Variants in ZNF416 observed in about 807,000 individuals in gnomAD.
The protein encoded by ZNF416 is zinc finger protein 416.
Under a neutral mutation model 10.9 loss-of-function variants are expected in ZNF416, and 5 were observed. That is an observed-to-expected ratio of 0.46 (90% CI 0.24 to 0.97). The LOEUF (loss-of-function observed/expected upper bound fraction) is 0.97, where lower values mean the gene tolerates loss of function less well. Ranked by LOEUF, ZNF416 falls within the 50% of genes least tolerant of loss-of-function variation. The pLI, the probability that ZNF416 is intolerant of heterozygous loss-of-function variation, is 0.19. For missense variants in ZNF416, 675 were observed against 715.0 expected (o/e 0.94, Z 0.64); for synonymous variants, 267 against 251.8 (o/e 1.06, Z -0.57).
intron 2 of ZNF416, among the ~76,000 whole-genome samples, chr19:57,577,668 C>G (rs1200797879): frequency 6.6e-6 from 1 of 152,166 alleles, no homozygotes; most frequent in Non-Finnish European, 1.5e-5. Flanking sequence ...TCCTCTGCCC[C>G]CAAACTGTCA....
In ZNF416 at chr19:57,573,294, A is replaced by G; in HGVS notation, c.610T>C (p.Cys204Arg). ...ATTCCAACATGAAAGGCCTCCTCAC[A>G]TTTGCTGATTTTGTTTGGCTTCTCA... ...NYEKPNKISK[C>R]EEAFHVGISH... The change falls in exon 4 of 4, where the codon TGT (cysteine) becomes CGT (arginine). Residue 204 changes from cysteine (C) to arginine (R), a missense_variant. Physicochemically the swap from Cys to Arg is radical, Grantham distance 180 (BLOSUM62 -3). Transcript: ENST00000196489. The G allele has an allele frequency of 6.2e-7, 1 of 1,614,186 alleles. No homozygotes were observed. The highest frequency in any genetic ancestry group is 8.5e-7 in the Non-Finnish European group (1 of 1,180,034).
chr19:57,576,421 G>A (rs535072442), intron 2 of ZNF416, among the ~76,000 whole-genome samples: 4 of 152,134 alleles, frequency 2.6e-5, no homozygotes, highest in South Asian at 2.1e-4. Context: ...GCATCCCCAC[G>A]ATAGTTGGAA....
intron 1 of ZNF416, 86 bp downstream of exon 1, chr19:57,578,586 G>T: frequency 7.2e-7 from 1 of 1,393,946 alleles, no homozygotes; most frequent in Non-Finnish European, 9.5e-7. Context: ...GGGTCGGGCT[G>T]CAGGGACGCA....
rs2090194822 is a variant in ZNF416 at position 57,571,871 on chromosome 19, T to C, written c.*248A>G. On this transcript the variant is annotated 3_prime_UTR_variant, in exon 4 of 4. Coordinates refer to ENST00000196489, the MANE Select transcript of ZNF416 (RefSeq NM_017879.3). ...CAGGTGTATCTGCCTCGCCTTAGTA[T>C]GCAAGGGTGACTAATGATTTAACTC... 1.0e-5 allele frequency: 5 copies of C among 495,594 alleles called. No homozygotes were observed. Among genetic ancestry groups the C allele is most frequent in the Non-Finnish European group, 1.8e-5 (5 of 277,690 alleles). 30.7% of individuals were successfully genotyped at this position (495,594 alleles called of 1,614,324 possible). A position where few individuals can be genotyped will look rare whatever the true frequency, so the allele number is the denominator to read the frequency against.
chr19:57,574,334 G>C (rs1462530794), intron 3 of ZNF416, among the ~76,000 whole-genome samples: 1 of 152,186 alleles, frequency 6.6e-6, no homozygotes, highest in Non-Finnish European at 1.5e-5. Context: ...TGTGTTACCT[G>C]CAGAAACCCC....
In ZNF416 at chr19:57,572,750, C is replaced by T. The variant is rs201445198; in HGVS notation, c.1154G>A (p.Gly385Asp). The change falls in exon 4 of 4, where the codon GGT (glycine) becomes GAT (aspartate). Residue 385 changes from glycine to aspartate, a missense_variant. By Grantham distance (94) the Gly-to-Asp change is moderately conservative. Coordinates refer to ENST00000196489, the MANE Select transcript of ZNF416 (RefSeq NM_017879.3). This position sits in a 1 kb window ranked among gnomAD's most constrained non-coding sequence, Gnocchi z 4.5. ...THTGEKPYEC[G>D]ECGKLFRQSF... ...TTGTCTGAATAATTTCCCACATTCA[C>T]CACACTCATATGGCTTTTCTCCTGT... 128 of 1,614,054 alleles carry T rather than the reference C, an allele frequency of 7.9e-5. No individual in the cohort carries two copies. Among genetic ancestry groups the T allele is most frequent in the Non-Finnish European group, 3.3e-5 (39 of 1,180,050 alleles).
Position 57,571,926 on chromosome 19 carries a change from G to A in ZNF416, c.*193C>T. 1.5e-6 allele frequency: 1 copy of A among 656,602 alleles called. No individual in the cohort carries two copies. The highest frequency in any genetic ancestry group is 2.6e-6 in the Non-Finnish European group (1 of 392,036). The allele number at this position is 656,602 out of a possible 1,614,324, so 40.7% of individuals were successfully genotyped here. ...AAAGGCCTCCAGCAGTTTAGAACATGCAAAGGAGCTCCTGCAAGACACATA... is the reference window on the plus strand; with the variant it reads ...AAAGGCCTCCAGCAGTTTAGAACATACAAAGGAGCTCCTGCAAGACACATA... On this transcript the variant is annotated 3_prime_UTR_variant, in exon 4 of 4. Transcript: ENST00000196489.
chr19:57,576,471 C>A (rs758047688), intron 2 of ZNF416, among the ~76,000 whole-genome samples: 4 of 152,060 alleles, frequency 2.6e-5, no homozygotes, highest in Non-Finnish European at 5.9e-5. Flanking sequence ...GAAATGAGGT[C>A]CGGTGCCACT....
At position 57,573,241 on chromosome 19, in the gene ZNF416, C is replaced by T. The variant is rs1288263404; in HGVS notation, c.663G>A (p.Arg221=). 1.2e-6 allele frequency: 2 copies of T among 1,614,244 alleles called. No homozygotes were observed. The highest frequency in any genetic ancestry group is 1.7e-6 in the Non-Finnish European group (2 of 1,180,046). ...AAGTGTGTTTGTGGCTGGACTCTCT[C>T]CTGCATTGACTCCACTTGTAATGAC... is the stretch of plus-strand genomic sequence containing the variant. ...GISHYKWSQC[R]RESSHKHTFF... Residue 221 remains arginine (R), a synonymous_variant, in exon 4 of 4, where the codon AGG becomes AGA. Transcript: ENST00000196489.
chr19:57,577,263 T>G (rs535886154), intron 2 of ZNF416, among the ~76,000 whole-genome samples: 2 of 136,394 alleles, frequency 1.5e-5, no homozygotes, highest in East Asian at 2.1e-4. Flanking sequence ...CATTGGGCCA[T>G]GTTCAGATGA....
In ZNF416 at chr19:57,572,445, T is replaced by G; in HGVS notation, c.1459A>C (p.Thr487Pro). Reference protein sequence around the residue: ...FKSKLVRHQRTHTGERPFECS... With the variant: ...FKSKLVRHQRPHTGERPFECS... Reference sequence around the variant, plus strand: ...TCAAAAGGCCTTTCTCCAGTGTGAGTTCTCTGGTGCCTAACAAGTTTAGAT... The same window carrying G: ...TCAAAAGGCCTTTCTCCAGTGTGAGGTCTCTGGTGCCTAACAAGTTTAGAT... Residue 487 changes from threonine to proline, a missense_variant, in exon 4 of 4, where the codon ACT (threonine) becomes CCT (proline). Physicochemically the swap from Thr to Pro is conservative, Grantham distance 38 (BLOSUM62 -1). Coordinates refer to ENST00000196489, the MANE Select transcript of ZNF416 (RefSeq NM_017879.3). This position sits in a 1 kb window ranked among gnomAD's most constrained non-coding sequence, Gnocchi z 4.5. The G allele has an allele frequency of 6.2e-7, 1 of 1,614,030 alleles. No individual in the cohort carries two copies. The highest frequency in any genetic ancestry group is 8.5e-7 in the Non-Finnish European group (1 of 1,179,966).
In ZNF416 at chr19:57,572,020, G is replaced by A. The variant is rs1449245042; in HGVS notation, c.*99C>T. 1.6e-5 allele frequency: 23 copies of A among 1,460,616 alleles called. No individual in the cohort carries two copies. The highest frequency in any genetic ancestry group is 2.8e-5 in the African/African-American group (2 of 70,458). 90.5% of individuals were successfully genotyped at this position (1,460,616 alleles called of 1,614,324 possible). On this transcript the variant is annotated 3_prime_UTR_variant, in exon 4 of 4. Transcript: ENST00000196489. This position sits in a 1 kb window ranked among gnomAD's most constrained non-coding sequence, Gnocchi z 4.5. Reference sequence around the variant, plus strand: ...GTATGAGGTTTAACTTTAGGCAGACGGCTCCTTCACAAAGGCTCTCTATAG... The same window carrying A: ...GTATGAGGTTTAACTTTAGGCAGACAGCTCCTTCACAAAGGCTCTCTATAG...
chr19:57,571,582 G>A lies in ZNF416; in HGVS notation c.*537C>T, dbSNP rs2090193224. 6.4e-6 allele frequency: 1 copy of A among 155,070 alleles called. No individual in the cohort carries two copies. Among genetic ancestry groups the A allele is most frequent in the South Asian group, 2.0e-4 (1 of 5,080 alleles). 9.6% of individuals were successfully genotyped at this position (155,070 alleles called of 1,614,324 possible). ...GACCACACATAGATTTAAAAATAAG[G>A]CCTTTATTACCACACAAACCAGAGC... On this transcript the variant is annotated 3_prime_UTR_variant, in exon 4 of 4. Coordinates refer to ENST00000196489, the MANE Select transcript of ZNF416 (RefSeq NM_017879.3).
rs767805119 is a variant in ZNF416 at position 57,573,436 on chromosome 19, G to GT, written c.467_468insA (p.Ser157LeufsTer10). ...GGAACAGGCAGCACTGCACAAATGA[G>GT]GCCTTGTCCATGTCACTTTCCAAGG... is the stretch of plus-strand genomic sequence containing the variant. On this transcript the variant is annotated frameshift_variant, in exon 4 of 4. Transcript: ENST00000196489. LOFTEE classifies it low-confidence loss of function (END_TRUNC). The GT allele has an allele frequency of 1.9e-6, 3 of 1,614,220 alleles. No homozygotes were observed. The Admixed American group carries it at 5.0e-5, about 27-fold the overall frequency.
At position 57,572,251 on chromosome 19, in the gene ZNF416, C is replaced by T. The variant is rs1218357060; in HGVS notation, c.1653G>A (p.Glu551=). Residue 551 remains glutamate (E), a synonymous_variant, in exon 4 of 4, where the codon GAG becomes GAA. Coordinates refer to ENST00000196489, the MANE Select transcript of ZNF416 (RefSeq NM_017879.3). This position sits in a 1 kb window ranked among gnomAD's most constrained non-coding sequence, Gnocchi z 4.5. ...TAAAGGACTTCCCACATTTGCCACA[C>T]TCATATGGCCTTTCTCCTGTGTGAA... The part of the protein sequence containing the change: ...QVVHTGERPY[E]CGKCGKSFTQ... 3.1e-6 allele frequency: 5 copies of T among 1,614,230 alleles called. No individual in the cohort carries two copies. In the Admixed American group the frequency reaches 5.0e-5, roughly 16 times the overall value.
intron 1 of ZNF416, 188 bp downstream of exon 1, chr19:57,578,484 G>C (rs1382890528): frequency 8.5e-6 from 5 of 591,560 alleles, no homozygotes; most frequent in Non-Finnish European, 1.4e-5. Context: ...CACAGAAACC[G>C]GCCCCTCCGC....
rs374151232 is a variant in ZNF416, at chr19:57,575,708, G to C, written c.202+96C>G. 23 of 1,520,272 alleles carry C rather than the reference G, an allele frequency of 1.5e-5. No individual in the cohort carries two copies. The highest frequency in any genetic ancestry group is 6.7e-5 in the Admixed American group (4 of 59,658). The allele number at this position is 1,520,272 out of a possible 1,614,324, so 94.2% of individuals were successfully genotyped here. ...CCACAGCACATACGCCAAGACAGTG[G>C]GGAAGTCAGCAAAGCCCACGGTCCG... On this transcript the variant is annotated intron_variant, in intron 3 of 3. Transcript: ENST00000196489. The surrounding 1 kb of genome is among the most constrained non-coding windows in gnomAD (Gnocchi z 4.4).
chr19:57,577,980 G>A, intron 2 of ZNF416, 77 bp downstream of exon 2: 1 of 1,520,764 alleles, frequency 6.6e-7, no homozygotes, highest in Non-Finnish European at 9.1e-7. Flanking sequence ...AGTGCCAAGA[G>A]AAGAGTCCCA....
chr19:57,578,446 T>C (rs1978628145), intron 1 of ZNF416: 1 of 550,104 alleles, frequency 1.8e-6, no homozygotes, highest in Non-Finnish European at 3.2e-6. Context: ...GGCGTGAACG[T>C]TACTGGCTCA....
Sources: gnomAD v4.1 joint callset for allele counts (sites outside exome capture counted in the v4.1 genomes callset) on GRCh38, gnomAD v4.1.1 for gene constraint, Gnocchi (gnomAD v3.1) non-coding constraint, MANE v1.5 for transcripts, NCBI Gene and HGNC (gene_info 2026-07-23, HGNC 2026-07-21) for gene names.